Variants in DHRS7B observed in about 807,000 individuals in gnomAD.
DHRS7B encodes the protein peroxisomal reductase activating PPAR-gamma.
Under a neutral mutation model 26.4 loss-of-function variants are expected in DHRS7B, and 24 were observed. The observed-to-expected ratio is 0.91, with a 90% CI of 0.66 to 1.28. DHRS7B has a LOEUF of 1.28. Among genes scored for constraint, DHRS7B ranks in the 50% most tolerant of loss-of-function variants. The pLI is 0.00. For missense variants in DHRS7B, 368 were observed against 419.4 expected, an observed-to-expected ratio of 0.88 and a Z score of 1.07; for synonymous variants, 142 against 166.4, an observed-to-expected ratio of 0.85 and a Z score of 1.13.
At chr17:21,184,586 C>A (rs1235766700) in intron 5 of DHRS7B, 123 bp downstream of exon 5, 14 of 945,406 alleles carry the variant, frequency 1.5e-5, no homozygotes, top group African/African-American at 5.0e-5. Flanking sequence ...TGCAAAGGCA[C>A]TTGAGAATGT....
At chr17:21,151,512 CAAA>C (rs34419163) in intron 1 of DHRS7B, among the ~76,000 whole-genome samples, 31 of 117,308 alleles carry the variant, frequency 2.6e-4, no homozygotes, top group Non-Finnish European at 2.7e-4. Context: ...GACTCTGTCT[CAAA>C]AAAAAAAAAA....
chr17:21,185,241 T>C (rs573911005), intron 5 of DHRS7B, among the ~76,000 whole-genome samples: 14 of 152,312 alleles, frequency 9.2e-5, no homozygotes, highest in Admixed American at 3.9e-4. Flanking sequence ...ACCAGCCTCA[T>C]CTCCTCTCAG....
chr17:21,183,719 C>T lies in DHRS7B; in HGVS notation c.435C>T (p.Ile145=). The T allele has an allele frequency of 1.2e-6, 2 of 1,614,222 alleles. No homozygotes were observed. The highest frequency in any genetic ancestry group is 1.7e-6 in the Non-Finnish European group (2 of 1,180,050). The change falls in exon 4 of 7, where the codon ATC becomes ATT. Residue 145 remains isoleucine (I), a synonymous_variant. Transcript: ENST00000395511. ...ACATACTTGTCAACAATGCTGGGAT[C>T]AGCTACCGTGGTACCATCATGGACA... ...YVDILVNNAG[I]SYRGTIMDTT... is the part of the protein sequence containing the mutation.
chr17:21,149,184 G>C (rs1476639500), intron 1 of DHRS7B, among the ~76,000 whole-genome samples: 1 of 151,788 alleles, frequency 6.6e-6, no homozygotes, highest in Admixed American at 6.6e-5. Flanking sequence ...ATACAGGCCA[G>C]GGAGGTATGG....
chr17:21,130,042 C>T (rs1248397168), intron 1 of DHRS7B, among the ~76,000 whole-genome samples: 2 of 152,178 alleles, frequency 1.3e-5, no homozygotes, highest in African/African-American at 4.8e-5. Flanking sequence ...GGTGCCTAGG[C>T]TAAACTTCCA....
At chr17:21,148,703 G>A (rs1597737305) in intron 1 of DHRS7B, among the ~76,000 whole-genome samples, 1 of 152,112 alleles carries the variant, frequency 6.6e-6, no homozygotes, top group East Asian at 1.9e-4. Context: ...CCAAGATCGT[G>A]CCACTGCACT....
intron 2 of DHRS7B, 195 bp downstream of exon 2, chr17:21,172,391 C>T (rs1003707200): frequency 2.2e-6 from 1 of 453,950 alleles, no homozygotes; most frequent in African/African-American, 2.3e-5. Flanking sequence ...AGAAATGACT[C>T]AGCGTCAGGG....
At chr17:21,131,617 C>T (rs1973232006) in intron 1 of DHRS7B, among the ~76,000 whole-genome samples, 1 of 152,196 alleles carries the variant, frequency 6.6e-6, no homozygotes, top group Admixed American at 6.5e-5. Flanking sequence ...TTTAGAATGC[C>T]TAACCTGCGA....
At chr17:21,166,394 G>A (rs1974113904) in intron 1 of DHRS7B, 1 of 985,406 alleles carries the variant, frequency 1.0e-6, no homozygotes, top group Non-Finnish European at 1.2e-6. Context: ...ACCTGAAGGT[G>A]TCCTCTGGCC....
intron 1 of DHRS7B, among the ~76,000 whole-genome samples, chr17:21,141,640 A>AAAAAAATG: frequency 1.1e-5 from 1 of 90,078 alleles, no homozygotes; most frequent in Non-Finnish European, 2.1e-5. Context: ...AAAAAAAAAA[A>AAAAAAATG]CAACCTCATC....
At position 21,184,472 on chromosome 17, in the gene DHRS7B, T is replaced by C; in HGVS notation, c.619+9T>C. The stretch of plus-strand genomic sequence containing the variant: ...TCCTTTTCGATCAGCATGTGAGTAC[T>C]TCTCTCTCCCACAAAATGCTTGGCT... On this transcript the variant is annotated intron_variant, in intron 5 of 6. Coordinates refer to ENST00000395511, the MANE Select transcript of DHRS7B (RefSeq NM_015510.5). 5 of 1,608,822 alleles carry C rather than the reference T, an allele frequency of 3.1e-6. No individual in the cohort carries two copies. Among genetic ancestry groups the C allele is most frequent in the Non-Finnish European group, 3.4e-6 (4 of 1,177,620 alleles).
chr17:21,135,712 T>C (rs895474795), intron 1 of DHRS7B, among the ~76,000 whole-genome samples: 14 of 152,110 alleles, frequency 9.2e-5, no homozygotes, highest in African/African-American at 2.7e-4. Context: ...TATTAAGGAG[T>C]TGGTTAATGC....
chr17:21,167,871 C>CAT (rs903553962), intron 1 of DHRS7B, among the ~76,000 whole-genome samples: 1 of 152,152 alleles, frequency 6.6e-6, no homozygotes. Flanking sequence ...AAAGTTTATA[C>CAT]ATATATATAA....
At chr17:21,154,287 G>A (rs929826722) in intron 1 of DHRS7B, among the ~76,000 whole-genome samples, 1 of 151,654 alleles carries the variant, frequency 6.6e-6, no homozygotes, top group Non-Finnish European at 1.5e-5. Context: ...CCCAGCCTGG[G>A]AGACAAGAGC....
intron 1 of DHRS7B, among the ~76,000 whole-genome samples, chr17:21,138,097 TATATACACACACACACAC>T (rs1973397768): frequency 4.6e-5 from 4 of 87,606 alleles, no homozygotes; most frequent in African/African-American, 2.1e-4. Flanking sequence ...TATATATATA[TATATACACACACACACAC>T]ACACACACAC....
At chr17:21,128,937 A>G (rs1011135079) in intron 1 of DHRS7B, 1 of 152,016 alleles carries the variant, frequency 6.6e-6, no homozygotes, top group Non-Finnish European at 1.5e-5. Context: ...ACAACAAACA[A>G]CAACAAAGGC....
chr17:21,170,721 A>C (rs1196457625), intron 1 of DHRS7B, among the ~76,000 whole-genome samples: 1 of 152,188 alleles, frequency 6.6e-6, no homozygotes, highest in East Asian at 1.9e-4. Flanking sequence ...AATTTAGCAT[A>C]GATCAGGACA....
At chr17:21,173,228 C>G (rs1371469203) in intron 2 of DHRS7B, among the ~76,000 whole-genome samples, 2 of 152,258 alleles carry the variant, frequency 1.3e-5, no homozygotes, top group Non-Finnish European at 2.9e-5. Context: ...GTAACATATG[C>G]TCTCAAACCA....
chr17:21,174,001 A>G (rs908645223), intron 2 of DHRS7B, among the ~76,000 whole-genome samples: 15 of 152,212 alleles, frequency 9.9e-5, no homozygotes, highest in Admixed American at 9.8e-4. Context: ...TCTATGTATC[A>G]TAAGATGTCA....
Sources: allele counts gnomAD v4.1 joint callset (sites outside exome capture counted in the v4.1 genomes callset), GRCh38; gene constraint gnomAD v4.1.1; transcripts MANE v1.5; gene names NCBI Gene and HGNC (gene_info 2026-07-23, HGNC 2026-07-21).